TRAK1: variants seen among roughly 807,000 people sequenced by gnomAD.
TRAK1 encodes trafficking kinesin protein 1, also known as trafficking kinesin-binding protein 1.
TRAK1 carries 33 observed loss-of-function variants against 92.1 expected under a neutral mutation model. That is an observed-to-expected ratio of 0.36 (90% confidence interval 0.27 to 0.48). TRAK1 has a LOEUF of 0.48. Ranked by LOEUF, TRAK1 falls within the 20% of genes least tolerant of loss-of-function variation. The pLI, the probability that TRAK1 is intolerant of heterozygous loss-of-function variation, is 0.99. For synonymous variants in TRAK1, 521 were observed against 517.3 expected (o/e 1.01, Z -0.10); for missense variants, 1,123 against 1,257.9 (o/e 0.89, Z 1.62).
At chr3:42,170,152 C>T (rs531417213) in intron 2 of TRAK1, among the ~76,000 whole-genome samples, 51 of 152,248 alleles carry the variant, frequency 3.3e-4, no homozygotes, top group Non-Finnish European at 1.3e-4. Context: ...GTTGAGGCTG[C>T]TGCTTGTAGG....
chr3:42,187,293 C>T (rs941355319), intron 4 of TRAK1, among the ~76,000 whole-genome samples: 7 of 152,148 alleles, frequency 4.6e-5, no homozygotes, highest in Non-Finnish European at 1.0e-4. Context: ...CTGTATTGCC[C>T]GTGCAGAGCT....
Position 42,202,422 on chromosome 3 carries a change from C to G in TRAK1, c.1428-14C>G, listed in dbSNP as rs1320899100. The G allele has an allele frequency of 6.8e-7, 1 of 1,476,270 alleles. No individual in the cohort carries two copies. Among genetic ancestry groups the G allele is most frequent in the Non-Finnish European group, 9.0e-7 (1 of 1,110,186 alleles). The allele number at this position is 1,476,270 out of a possible 1,614,324, so 91.4% of individuals were successfully genotyped here. On this transcript the variant is annotated splice_polypyrimidine_tract_variant and intron_variant, in intron 12 of 15. Transcript: ENST00000327628. The surrounding 1 kb of genome is among the most constrained non-coding windows in gnomAD (Gnocchi z 6.1). ...CTGCTGGCATTCCACCCTCACACCC[C>G]TTTCTTCTTCCAGAAACGATGAGCG... is the stretch of plus-strand genomic sequence containing the variant.
upstream of TRAK1, among the ~76,000 whole-genome samples, chr3:42,086,232 C>G (rs116279623): frequency 1.7e-4 from 26 of 152,192 alleles, no homozygotes; most frequent in Non-Finnish European, 3.1e-4. Flanking sequence ...GCCATCTTTT[C>G]TCAGAAGTTA....
At chr3:42,123,111 G>A (rs1174028741) in intron 1 of TRAK1, among the ~76,000 whole-genome samples, 1 of 152,162 alleles carries the variant, frequency 6.6e-6, no homozygotes, top group African/African-American at 2.4e-5. Flanking sequence ...AGGAAGCTGC[G>A]GGAGGGGTGG....
intron 1 of TRAK1, among the ~76,000 whole-genome samples, chr3:42,024,422 C>A (rs1025340392): frequency 1.1e-4 from 17 of 152,176 alleles, no homozygotes; most frequent in African/African-American, 4.1e-4. Context: ...GTAAACATCG[C>A]AGTTGCATAA....
chr3:42,168,567 C>G (rs1309372468), intron 2 of TRAK1, among the ~76,000 whole-genome samples: 1 of 152,078 alleles, frequency 6.6e-6, no homozygotes, highest in East Asian at 1.9e-4. Flanking sequence ...ACTTCTGATC[C>G]TTGGCAACCA....
At chr3:42,182,402 C>G (rs1704147048) in intron 3 of TRAK1, among the ~76,000 whole-genome samples, 1 of 151,712 alleles carries the variant, frequency 6.6e-6, no homozygotes, top group South Asian at 2.1e-4. Flanking sequence ...AAGTGATTCT[C>G]CTGCCTCAGC....
chr3:42,017,967 G>A (rs76698991), intron 1 of TRAK1, among the ~76,000 whole-genome samples: 7,688 of 151,018 alleles, frequency 0.051, 295 homozygotes, highest in East Asian at 0.17. Context: ...ATAGAGACAG[G>A]TTCTTGCTAT....
chr3:42,203,165 C>T (rs923973438), intron 13 of TRAK1: 77 of 1,189,402 alleles, frequency 6.5e-5, no homozygotes, highest in Admixed American at 1.8e-4. Flanking sequence ...GTTTTGGTGT[C>T]GGGGAGAGGT....
At chr3:42,177,454 T>C (rs1352025127) in intron 3 of TRAK1, among the ~76,000 whole-genome samples, 1 of 152,236 alleles carries the variant, frequency 6.6e-6, no homozygotes, top group East Asian at 1.9e-4. Context: ...ATGAGTATAA[T>C]ATGTGTATGT....
intron 1 of TRAK1, among the ~76,000 whole-genome samples, chr3:42,099,745 C>T (rs1159869110): frequency 6.6e-6 from 1 of 152,156 alleles, no homozygotes. Flanking sequence ...AAATCCTGAC[C>T]GTAGACCATT....
chr3:42,037,912 A>G (rs926797899), intron 1 of TRAK1, among the ~76,000 whole-genome samples: 2 of 152,218 alleles, frequency 1.3e-5, no homozygotes, highest in Non-Finnish European at 2.9e-5. Context: ...TGGGAAATCC[A>G]TTAGAGGTCA....
At chr3:42,070,249 AT>A (rs1420014264) in intron 1 of TRAK1, among the ~76,000 whole-genome samples, 43 of 137,418 alleles carry the variant, frequency 3.1e-4, no homozygotes, top group African/African-American at 1.3e-3. Flanking sequence ...AATAATAATA[AT>A]TATTATAATT....
chr3:42,212,465 A>T (rs1240890996), intron 14 of TRAK1: 1 of 985,284 alleles, frequency 1.0e-6, no homozygotes, highest in African/African-American at 1.7e-5. Context: ...ATGGAGAAAA[A>T]GTTTTAAGCA....
intron 13 of TRAK1, among the ~76,000 whole-genome samples, chr3:42,207,273 T>C (rs1395416019): frequency 6.6e-6 from 1 of 152,198 alleles, no homozygotes; most frequent in African/African-American, 2.4e-5. Context: ...GCATTTGTAC[T>C]GGGGCCCATT....
intron 2 of TRAK1, among the ~76,000 whole-genome samples, chr3:42,171,017 C>T (rs1345645343): frequency 2.0e-5 from 3 of 151,718 alleles, no homozygotes; most frequent in East Asian, 1.9e-4. Flanking sequence ...TTAGTAGAGA[C>T]GGGATTTCAC....
chr3:42,085,769 C>G (rs544595079), upstream of TRAK1, among the ~76,000 whole-genome samples: 4 of 152,280 alleles, frequency 2.6e-5, no homozygotes, highest in South Asian at 4.1e-4. Context: ...ATTGAGCCTC[C>G]TAAAGCATTT....
At chr3:42,198,927 C>T (rs1707144727) in intron 10 of TRAK1, among the ~76,000 whole-genome samples, 2 of 152,090 alleles carry the variant, frequency 1.3e-5, no homozygotes, top group African/African-American at 4.8e-5. Context: ...TTTTAGACAC[C>T]TAATGGCATA....
At chr3:42,169,414 A>G (rs1702271397) in intron 2 of TRAK1, among the ~76,000 whole-genome samples, 1 of 152,100 alleles carries the variant, frequency 6.6e-6, no homozygotes, top group South Asian at 2.1e-4. Context: ...TTATATACAT[A>G]TGTTTATGTT....
Sources: gnomAD v4.1 joint callset for allele counts (sites outside exome capture counted in the v4.1 genomes callset) on GRCh38, gnomAD v4.1.1 for gene constraint, Gnocchi (gnomAD v3.1) non-coding constraint, MANE v1.5 for transcripts, NCBI Gene and HGNC (gene_info 2026-07-23, HGNC 2026-07-21) for gene names.